Variants in DET1 observed in about 807,000 individuals in gnomAD.
The protein encoded by DET1 is DET1 homolog.
DET1 carries 22 observed loss-of-function variants against 43.7 expected under a neutral mutation model. That is an observed-to-expected ratio of 0.50 (90% confidence interval 0.36 to 0.72). The LOEUF is 0.72. Ranked by LOEUF, DET1 falls within the 30% of genes least tolerant of loss-of-function variation. The probability of loss-of-function intolerance (pLI) is 0.00; values close to 1 mark genes in which losing one functional copy is unlikely to be tolerated. For synonymous variants in DET1, 315 were observed against 266.2 expected, an observed-to-expected ratio of 1.18 and a Z score of -1.79; for missense variants, 713 against 713.3, an observed-to-expected ratio of 1.00 and a Z score of 0.00.
At position 88,527,649 on chromosome 15, in the gene DET1, C is replaced by G; in HGVS notation, c.1221G>C (p.Gln407His). ...TGTTGCTAGAAGCTGAGCAGGGAAA[C>G]TGAACTTCACTGTGCAGGGTAGCAT... ...FRNATLHSEV[Q>H]FPCSASSNNF... Residue 407 changes from glutamine to histidine, a missense_variant, in exon 3 of 5, where the codon CAG becomes CAC. Gln to His is a conservative substitution (Grantham distance 24). Transcript: ENST00000268148. The G allele has an allele frequency of 6.2e-7, 1 of 1,612,104 alleles. No homozygotes were observed. Among genetic ancestry groups the G allele is most frequent in the Non-Finnish European group, 8.5e-7 (1 of 1,179,042 alleles).
chr15:88,535,934 C>A (rs1039730952), intron 1 of DET1, among the ~76,000 whole-genome samples: 2 of 152,170 alleles, frequency 1.3e-5, no homozygotes, highest in African/African-American at 4.8e-5. Context: ...CCCCCAAATT[C>A]AGGAAGTTCA....
chr15:88,536,754 G>C (rs1325670081), intron 1 of DET1, among the ~76,000 whole-genome samples: 1 of 116,978 alleles, frequency 8.5e-6, no homozygotes, highest in Non-Finnish European at 1.6e-5. Flanking sequence ...CTGGGCAACA[G>C]AGCAAGACTC....
chr15:88,513,188 A>C, intron 4 of DET1, 48 bp from the exon 5 acceptor site: 1 of 1,525,920 alleles, frequency 6.6e-7, no homozygotes, highest in Non-Finnish European at 8.8e-7. Flanking sequence ...CAGGATTGAT[A>C]TTCACCATCG....
At chr15:88,534,528 C>A (rs1185914115) in intron 1 of DET1, among the ~76,000 whole-genome samples, 1 of 152,108 alleles carries the variant, frequency 6.6e-6, no homozygotes, top group Non-Finnish European at 1.5e-5. Flanking sequence ...CCCAGTGGAA[C>A]CAGAAGGTAC....
intron 1 of DET1, chr15:88,536,446 A>C: frequency 3.0e-6 from 2 of 669,208 alleles, no homozygotes; most frequent in Admixed American, 2.5e-5. Flanking sequence ...AACAATTGGT[A>C]TGAGCCTTGA....
chr15:88,539,334 G>A (rs1405526539), intron 1 of DET1, among the ~76,000 whole-genome samples: 6 of 151,684 alleles, frequency 4.0e-5, no homozygotes, highest in Non-Finnish European at 7.4e-5. Flanking sequence ...CTCGATCCAA[G>A]CCGGGGGTTT....
chr15:88,520,397 G>C (rs1322044405), intron 3 of DET1, among the ~76,000 whole-genome samples: 13 of 152,076 alleles, frequency 8.5e-5, no homozygotes, highest in Admixed American at 7.9e-4. Context: ...TCTTGTCAAG[G>C]TCACCAATGA....
At chr15:88,508,751 G>A (rs1289355974), downstream of DET1, among the ~76,000 whole-genome samples, 2 of 152,186 alleles carry the variant, frequency 1.3e-5, no homozygotes, top group African/African-American at 4.8e-5. Context: ...CCACAGGGAA[G>A]TGAAATCATT....
In DET1 at chr15:88,516,068, T is replaced by A. The variant is rs920137853; in HGVS notation, c.1463+714A>T. Among the ~76,000 whole-genome samples the A allele has an allele frequency of 3.3e-5, 5 of 152,160 alleles. No homozygotes were observed. Among genetic ancestry groups the A allele is most frequent in the African/African-American group, 1.2e-4 (5 of 41,420 alleles). ...GAGACTGGATGATGAAATATATCTA[T>A]CATAAAGATCTAACTACCACTGTTT... On this transcript the variant is annotated intron_variant, in intron 4 of 4. Transcript: ENST00000268148. This position sits in a 1 kb window ranked among gnomAD's most constrained non-coding sequence, Gnocchi z 4.4.
downstream of DET1, among the ~76,000 whole-genome samples, chr15:88,508,405 A>C (rs1316407841): frequency 6.6e-6 from 1 of 152,192 alleles, no homozygotes; most frequent in Non-Finnish European, 1.5e-5. Context: ...TGAGACAATA[A>C]ATTTCCTTAT....
At chr15:88,510,831 C>T (rs1371596446), downstream of DET1, among the ~76,000 whole-genome samples, 3 of 146,686 alleles carry the variant, frequency 2.0e-5, no homozygotes, top group South Asian at 4.3e-4. Context: ...AGTGCAGTGG[C>T]GCAATCTCGG....
At chr15:88,545,700 C>A (rs939575160) in intron 1 of DET1, among the ~76,000 whole-genome samples, 2 of 150,070 alleles carry the variant, frequency 1.3e-5, no homozygotes, top group African/African-American at 4.9e-5. Context: ...TGATTTGATT[C>A]CCCAAAAACA....
rs182045561 is a variant in DET1, at chr15:88,536,497, T to C, written c.-10-4782A>G. The C allele has an allele frequency of 4.5e-4, 247 of 549,196 alleles. 1 individual carries two copies. The highest frequency in any genetic ancestry group is 4.3e-3 in the African/African-American group (220 of 51,218). The allele number at this position is 549,196 out of a possible 1,614,324, so 34.0% of individuals were successfully genotyped here. On this transcript the variant is annotated intron_variant, in intron 1 of 4. Transcript: ENST00000268148. Reference sequence around the variant, plus strand: ...TAAACAAAGTAAAAGAGGAACAAACTGGCCGGGTGCAGTGGCTCACGCCTG... The same window carrying C: ...TAAACAAAGTAAAAGAGGAACAAACCGGCCGGGTGCAGTGGCTCACGCCTG...
downstream of DET1, chr15:88,512,292 A>C (rs1209020701): frequency 7.2e-6 from 7 of 972,882 alleles, no homozygotes; most frequent in Non-Finnish European, 8.6e-6. Flanking sequence ...ATTACCAAGC[A>C]AAAACCCGAG....
At chr15:88,521,696 T>C (rs1177983500) in intron 3 of DET1, among the ~76,000 whole-genome samples, 4 of 152,028 alleles carry the variant, frequency 2.6e-5, no homozygotes, top group Non-Finnish European at 5.9e-5. Flanking sequence ...ACCCTTTTCA[T>C]AGAATTCTGA....
At chr15:88,522,816 G>A (rs1272697059) in intron 3 of DET1, among the ~76,000 whole-genome samples, 4 of 150,772 alleles carry the variant, frequency 2.7e-5, no homozygotes, top group Non-Finnish European at 5.9e-5. Flanking sequence ...CCGCGCACCC[G>A]GCTGGAATGT....
intron 4 of DET1, 62 bp from the exon 5 acceptor site, chr15:88,513,202 T>G (rs1379317462): frequency 6.7e-7 from 1 of 1,486,302 alleles, no homozygotes; most frequent in Non-Finnish European, 9.0e-7. Flanking sequence ...ACCATCGAAC[T>G]GAAATCTAGA....
chr15:88,516,106 G>C lies in DET1; in HGVS notation c.1463+676C>G, dbSNP rs912153659. ...ACTACCACTGTTTCTGTGTGAAAAA[G>C]ACCTTCCAAGCTCCAGCCTATAGCC... On this transcript the variant is annotated intron_variant, in intron 4 of 4. Coordinates refer to ENST00000268148, the MANE Select transcript of DET1 (RefSeq NM_001144074.3). This position sits in a 1 kb window ranked among gnomAD's most constrained non-coding sequence, Gnocchi z 4.4. 6.6e-6 allele frequency among the ~76,000 whole-genome samples: 1 copy of C among 152,054 alleles called. No individual in the cohort carries two copies. Among genetic ancestry groups the C allele is most frequent in the Non-Finnish European group, 1.5e-5 (1 of 68,002 alleles).
rs1480372217 is a variant in DET1, at chr15:88,516,845, C to G, written c.1400G>C (p.Ser467Thr). ...GACAGATACCCACTTGTCATCATAACTGAAGAGAGACAAATCCAGATAGGG... is the reference window on the plus strand; with the variant it reads ...GACAGATACCCACTTGTCATCATAAGTGAAGAGAGACAAATCCAGATAGGG... Reference protein sequence around the residue: ...GSPYLDLSLFSYDDKWVSVME... With the variant: ...GSPYLDLSLFTYDDKWVSVME... The change falls in exon 4 of 5, where the codon AGT becomes ACT. Residue 467 changes from serine (S) to threonine (T), a missense_variant. Transcript: ENST00000268148. The surrounding 1 kb of genome is among the most constrained non-coding windows in gnomAD (Gnocchi z 4.4). 6.2e-7 allele frequency: 1 copy of G among 1,610,616 alleles called. No homozygotes were observed. Among genetic ancestry groups the G allele is most frequent in the Non-Finnish European group, 8.5e-7 (1 of 1,178,624 alleles).
Sources: allele counts gnomAD v4.1 joint callset (sites outside exome capture counted in the v4.1 genomes callset), GRCh38; gene constraint gnomAD v4.1.1; non-coding constraint Gnocchi (gnomAD v3.1); transcripts MANE v1.5; gene names NCBI Gene and HGNC (gene_info 2026-07-23, HGNC 2026-07-21).